The following TRDN variants were observed in gnomAD, a reference collection of about 807,000 sequenced individuals.
TRDN encodes triadin, also known as triadin in skeletal muscle.
In TRDN, 161 loss-of-function variants were observed where a neutral mutation model predicts 149.7. That is an observed-to-expected ratio of 1.08 (90% confidence interval 0.95 to 1.23). TRDN has a LOEUF of 1.23. Among genes scored for constraint, TRDN ranks in the 50% most tolerant of loss-of-function variants. The probability of loss-of-function intolerance (pLI) is 0.00; values close to 1 mark genes in which losing one functional copy is unlikely to be tolerated. For missense variants in TRDN, 896 were observed against 823.5 expected, an observed-to-expected ratio of 1.09 and a Z score of -1.08; for synonymous variants, 294 against 250.5, an observed-to-expected ratio of 1.17 and a Z score of -1.64.
intron 9 of TRDN, 131 bp from the exon 10 acceptor site, chr6:123,465,114 T>C (rs1776709213): frequency 1.9e-6 from 2 of 1,027,822 alleles, no homozygotes; most frequent in South Asian, 2.3e-5. Flanking sequence ...CATATTATTA[T>C]GCAAAAAAGA....
At chr6:123,394,481 G>A (rs1431816347) in intron 12 of TRDN, among the ~76,000 whole-genome samples, 9 of 152,108 alleles carry the variant, frequency 5.9e-5, no homozygotes, top group African/African-American at 1.9e-4. Flanking sequence ...AAGTAAGATT[G>A]GGTCATTTGT....
In TRDN at chr6:123,217,627, G is replaced by A. The variant is rs542322992; in HGVS notation, c.*974C>T. The A allele has an allele frequency of 3.9e-5, 6 of 152,056 alleles. No individual in the cohort carries two copies. The highest frequency in any genetic ancestry group is 7.2e-5 in the African/African-American group (3 of 41,516). The allele number at this position is 152,056 out of a possible 1,614,324, so 9.4% of individuals were successfully genotyped here. On this transcript the variant is annotated 3_prime_UTR_variant, in exon 41 of 41. Transcript: ENST00000334268. The stretch of plus-strand genomic sequence containing the variant: ...CTAAAATACAAGTAAGACATCTCAC[G>A]AAGGCATTTAAGGCTAAAATGAATT...
chr6:123,390,169 A>G (rs1226727597), intron 13 of TRDN, among the ~76,000 whole-genome samples: 1 of 152,064 alleles, frequency 6.6e-6, no homozygotes, highest in Non-Finnish European at 1.5e-5. Flanking sequence ...ATAAACACAC[A>G]TCTAAAGGGC....
At chr6:123,489,325 A>G (rs1157207106) in intron 9 of TRDN, among the ~76,000 whole-genome samples, 1 of 152,134 alleles carries the variant, frequency 6.6e-6, no homozygotes, top group African/African-American at 2.4e-5. Flanking sequence ...CAAAAAAACA[A>G]AAAACACAAG....
chr6:123,462,340 A>C (rs1317050426), intron 10 of TRDN: 1 of 152,248 alleles, frequency 6.6e-6, no homozygotes, highest in Non-Finnish European at 1.5e-5. Flanking sequence ...AGAAGTACAC[A>C]GATACTTCCC....
At chr6:123,219,749 A>G (rs989873354) in intron 40 of TRDN, among the ~76,000 whole-genome samples, 8 of 151,776 alleles carry the variant, frequency 5.3e-5, no homozygotes, top group Non-Finnish European at 8.8e-5. Flanking sequence ...CTTTTCTTCT[A>G]TCTTCAAACC....
At chr6:123,565,257 G>A (rs760609789) in intron 2 of TRDN, among the ~76,000 whole-genome samples, 8 of 152,092 alleles carry the variant, frequency 5.3e-5, no homozygotes, top group Admixed American at 3.9e-4. Flanking sequence ...GAAGATCTCC[G>A]GCAGCCTTTC....
chr6:123,589,380 CT>C (rs1783672298), intron 1 of TRDN, among the ~76,000 whole-genome samples: 1 of 138,472 alleles, frequency 7.2e-6, no homozygotes, highest in African/African-American at 2.5e-5. Flanking sequence ...ACAAATAAAA[CT>C]TTACCTAGCC....
chr6:123,357,422 C>G (rs1780725666), intron 20 of TRDN, among the ~76,000 whole-genome samples: 1 of 151,932 alleles, frequency 6.6e-6, no homozygotes, highest in Non-Finnish European at 1.5e-5. Context: ...TTAGATGTTC[C>G]TAGAGGAAGT....
intron 1 of TRDN, among the ~76,000 whole-genome samples, chr6:123,584,226 T>C (rs1783298328): frequency 6.6e-6 from 1 of 151,644 alleles, no homozygotes; most frequent in Non-Finnish European, 1.5e-5. Context: ...TAACAAAGAG[T>C]GAGTACAGCT....
rs756411335 is a variant in TRDN, at chr6:123,259,648, C to T, written c.1846G>A (p.Glu616Lys). 1 of 1,470,152 alleles carries T rather than the reference C, an allele frequency of 6.8e-7. No individual in the cohort carries two copies. The highest frequency in any genetic ancestry group is 1.3e-5 in the South Asian group (1 of 78,302). 91.1% of individuals were successfully genotyped at this position (1,470,152 alleles called of 1,614,324 possible). A position where few individuals can be genotyped will look rare whatever the true frequency, so the allele number is the denominator to read the frequency against. ...EVTESGKKKT[E>K]ISEKESKEKA... is the part of the protein sequence containing the mutation. ...CCTTTACTTTCTTTTTCAGATATTTCAGTTTTCTTCTTTCCTAGGGGAAAG... is the reference window on the plus strand; with the variant it reads ...CCTTTACTTTCTTTTTCAGATATTTTAGTTTTCTTCTTTCCTAGGGGAAAG... The change falls in exon 35 of 41, where the codon GAA becomes AAA. Residue 616 changes from glutamate (E) to lysine (K), a missense_variant. Coordinates refer to ENST00000334268, the MANE Select transcript of TRDN (RefSeq NM_006073.4).
At chr6:123,348,288 T>G (rs544536778) in intron 21 of TRDN, among the ~76,000 whole-genome samples, 1 of 152,260 alleles carries the variant, frequency 6.6e-6, no homozygotes, top group South Asian at 2.1e-4. Flanking sequence ...TGTAGAATAT[T>G]GATAAAGTGT....
intron 4 of TRDN, among the ~76,000 whole-genome samples, chr6:123,534,117 TAC>T (rs945813912): frequency 6.6e-6 from 1 of 152,080 alleles, no homozygotes; most frequent in Non-Finnish European, 1.5e-5. Context: ...TTTAAAAAGA[TAC>T]ACACACAGTA....
intron 21 of TRDN, among the ~76,000 whole-genome samples, chr6:123,341,722 A>C (rs1027920159): frequency 2.6e-5 from 4 of 151,974 alleles, no homozygotes; most frequent in African/African-American, 9.7e-5. Flanking sequence ...TAGGGGATGG[A>C]GAATAAGTGA....
chr6:123,416,095 T>G (rs1330801224), intron 12 of TRDN, among the ~76,000 whole-genome samples: 1 of 152,180 alleles, frequency 6.6e-6, no homozygotes, highest in Non-Finnish European at 1.5e-5. Flanking sequence ...CAAAATTCAG[T>G]GACAGCAGTG....
intron 12 of TRDN, among the ~76,000 whole-genome samples, chr6:123,410,780 A>G (rs1229791290): frequency 6.6e-6 from 1 of 152,102 alleles, no homozygotes; most frequent in African/African-American, 2.4e-5. Flanking sequence ...AGGAAGACAG[A>G]GATGAAAGTC....
intron 1 of TRDN, among the ~76,000 whole-genome samples, chr6:123,585,401 G>A (rs1429536371): frequency 6.6e-6 from 1 of 152,078 alleles, no homozygotes; most frequent in African/African-American, 2.4e-5. Context: ...ATGGAGGCAA[G>A]GGAAACAGGC....
At chr6:123,309,761 A>T (rs1319451117) in intron 24 of TRDN, among the ~76,000 whole-genome samples, 1 of 151,958 alleles carries the variant, frequency 6.6e-6, no homozygotes, top group African/African-American at 2.4e-5. Flanking sequence ...GTAAAAATAT[A>T]AAAAAATAAA....
chr6:123,348,028 T>C (rs1367668), intron 21 of TRDN, among the ~76,000 whole-genome samples: 2 of 152,024 alleles, frequency 1.3e-5, no homozygotes, highest in African/African-American at 2.4e-5. Context: ...CAATGTAAAG[T>C]CTTGAAATGA....
Sources: gnomAD v4.1 joint callset for allele counts (sites outside exome capture counted in the v4.1 genomes callset) on GRCh38, gnomAD v4.1.1 for gene constraint, MANE v1.5 for transcripts, NCBI Gene and HGNC (gene_info 2026-07-23, HGNC 2026-07-21) for gene names.